SPIRE2: variants seen among roughly 807,000 people sequenced by gnomAD.
SPIRE2 encodes spire type actin nucleation factor 2.
Under a neutral mutation model 80.7 loss-of-function variants are expected in SPIRE2, and 76 were observed. That is an observed-to-expected ratio of 0.94 (90% CI 0.78 to 1.14). The LOEUF is 1.14. SPIRE2 is among the 50% of genes most tolerant of loss of function. The probability of loss-of-function intolerance (pLI) is 0.00; values close to 1 mark genes in which losing one functional copy is unlikely to be tolerated. For missense variants in SPIRE2, 1,196 were observed against 1,015.3 expected (o/e 1.18, Z -2.42); for synonymous variants, 535 against 432.6 (o/e 1.24, Z -2.94).
At position 89,854,285 on chromosome 16, in the gene SPIRE2, G is replaced by C. The variant is rs749877304; in HGVS notation, c.646-1G>C. The C allele has an allele frequency of 5.0e-6, 8 of 1,611,666 alleles. No individual in the cohort carries two copies. The highest frequency in any genetic ancestry group is 5.9e-6 in the Non-Finnish European group (7 of 1,179,504). On this transcript the variant is annotated splice_acceptor_variant, in intron 3 of 14. Coordinates refer to ENST00000378247, the MANE Select transcript of SPIRE2 (RefSeq NM_032451.2). LOFTEE classifies it high-confidence loss of function. ...GGACTGACGAGCACGTGTGGTCACA[G>C]ATGCTGCAGAAGCTTCGGGAGGACG...
chr16:89,869,387 T>C (rs1370292849), intron 13 of SPIRE2, among the ~76,000 whole-genome samples, 180 bp from the exon 14 acceptor site: 1 of 152,062 alleles, frequency 6.6e-6, no homozygotes, highest in Non-Finnish European at 1.5e-5. Flanking sequence ...AGGAACCCCG[T>C]GCCAGTCTTC....
intron 1 of SPIRE2, chr16:89,836,106 C>T (rs776536026): frequency 4.7e-6 from 2 of 428,400 alleles, no homozygotes; most frequent in African/African-American, 2.0e-5. Context: ...ATCTGGGAGG[C>T]GGAGGTTGTA....
At chr16:89,849,920 C>T (rs2041605117) in intron 2 of SPIRE2, 1 of 362,984 alleles carries the variant, frequency 2.8e-6, no homozygotes, top group Middle Eastern at 9.7e-4. Context: ...TCACTGCAAC[C>T]TCCACCTCCC....
intron 3 of SPIRE2, among the ~76,000 whole-genome samples, chr16:89,851,991 G>C (rs1567674323): frequency 1.3e-5 from 2 of 151,832 alleles, no homozygotes; most frequent in Non-Finnish European, 2.9e-5. Context: ...TGCAGCCCAA[G>C]CGTGTGCCAA....
intron 14 of SPIRE2, 76 bp downstream of exon 14, chr16:89,869,758 GGGCT>G: frequency 8.5e-7 from 1 of 1,175,188 alleles, no homozygotes; most frequent in Non-Finnish European, 1.3e-6. Context: ...GGGGTGGAGG[GGGCT>G]GGCTTTGTCT....
chr16:89,855,930 G>A (rs1413882487), intron 6 of SPIRE2, 183 bp from the exon 7 acceptor site: 20 of 1,167,204 alleles, frequency 1.7e-5, no homozygotes, highest in Admixed American at 5.6e-5. Context: ...CCAGGTGCAT[G>A]CGGAGCCCAG....
Position 89,838,928 on chromosome 16 carries a change from C to T in SPIRE2, c.245-6394C>T, listed in dbSNP as rs147558234. On this transcript the variant is annotated intron_variant, in intron 1 of 14. Transcript: ENST00000378247. The stretch of plus-strand genomic sequence containing the variant: ...GCAATCTAGTAGAGACGGGGTTTCA[C>T]CATGTTGGCCAGGCTGGTCTTGAAC... Among the ~76,000 whole-genome samples the T allele has an allele frequency of 4.4e-3, 653 of 148,600 alleles. 9 individuals carry two copies. The South Asian group carries it at 0.051, about 12-fold the overall frequency.
rs765600839 is a variant in SPIRE2, at chr16:89,859,187, A to T, written c.1295A>T (p.Glu432Val). The change falls in exon 9 of 15, where the codon GAG (glutamate) becomes GTG (valine). Residue 432 changes from glutamate (E) to valine (V), a missense_variant. Physicochemically the swap from Glu to Val is moderately radical, Grantham distance 121. Coordinates refer to ENST00000378247, the MANE Select transcript of SPIRE2 (RefSeq NM_032451.2). ...TSEEEESPCG[E>V]VTLKRDRSFS... Reference sequence around the variant, plus strand: ...CAGGAAGAAGAGTCTCCGTGTGGGGAGGTGACGCTGAAACGGGACCGCTCC... The same window carrying T: ...CAGGAAGAAGAGTCTCCGTGTGGGGTGGTGACGCTGAAACGGGACCGCTCC... 2.5e-6 allele frequency: 4 copies of T among 1,589,914 alleles called. No individual in the cohort carries two copies. The Admixed American group carries it at 6.9e-5, about 27-fold the overall frequency.
chr16:89,856,361 C>A, intron 7 of SPIRE2, 125 bp downstream of exon 7: 1 of 973,636 alleles, frequency 1.0e-6, no homozygotes. Context: ...ATGGAAGACA[C>A]AGAACATCTT....
intron 12 of SPIRE2, among the ~76,000 whole-genome samples, chr16:89,866,695 A>G (rs1266835039): frequency 1.5e-5 from 2 of 136,796 alleles, no homozygotes; most frequent in African/African-American, 2.8e-5. Context: ...TGCAAGCTCC[A>G]CCTCCCGGGT....
rs964072388 is a variant in SPIRE2, at chr16:89,843,854, C to T, written c.245-1468C>T. Among the ~76,000 whole-genome samples the T allele has an allele frequency of 2.8e-5, 4 of 142,488 alleles. No individual in the cohort carries two copies. The Admixed American group carries it at 2.9e-4, about 10-fold the overall frequency. The allele number at this position is 142,488 out of a possible 152,430, so 93.5% of individuals were successfully genotyped here. A position where few individuals can be genotyped will look rare whatever the true frequency, so the allele number is the denominator to read the frequency against. ...AGCTAGGACTACATATATGCACTAC[C>T]ATGCCCAGCTATTTTTATGTATTTT... On this transcript the variant is annotated intron_variant, in intron 1 of 14. Coordinates refer to ENST00000378247, the MANE Select transcript of SPIRE2 (RefSeq NM_032451.2).
At chr16:89,855,146 G>C (rs2041677656) in intron 5 of SPIRE2, among the ~76,000 whole-genome samples, 1 of 152,164 alleles carries the variant, frequency 6.6e-6, no homozygotes. Context: ...CACTGTGTTA[G>C]CCACGATGGT....
At chr16:89,860,623 C>A (rs2041734375) in intron 9 of SPIRE2, 60 bp from the exon 10 acceptor site, 1 of 1,181,866 alleles carries the variant, frequency 8.5e-7, no homozygotes, top group Non-Finnish European at 1.2e-6. Context: ...CCCCTGGGCA[C>A]AGTCCTCTTT....
Position 89,850,420 on chromosome 16 carries a change from CGACAGCGAG to C in SPIRE2, c.413_421del (p.Glu138_Ser140del). 1 of 1,590,692 alleles carries C rather than the reference CGACAGCGAG, an allele frequency of 6.3e-7. No homozygotes were observed. ...GGCTCATCGACCTCATGGCCAACAA[CGACAGCGAG>C]GACAGCGGCTGCGGTGCCGCCGATG... On this transcript the variant is annotated inframe_deletion, in exon 3 of 15. Transcript: ENST00000378247.
rs932088810 is a variant in SPIRE2, at chr16:89,863,966, A to C, written c.1778+105A>C. The C allele has an allele frequency of 2.0e-5, 16 of 800,060 alleles. No homozygotes were observed. Among genetic ancestry groups the C allele is most frequent in the Non-Finnish European group, 3.3e-5 (16 of 483,084 alleles). 49.6% of individuals were successfully genotyped at this position (800,060 alleles called of 1,614,324 possible). A position where few individuals can be genotyped will look rare whatever the true frequency, so the allele number is the denominator to read the frequency against. On this transcript the variant is annotated intron_variant, in intron 12 of 14. Coordinates refer to ENST00000378247, the MANE Select transcript of SPIRE2 (RefSeq NM_032451.2). This position sits in a 1 kb window ranked among gnomAD's most constrained non-coding sequence, Gnocchi z 4.3. The stretch of plus-strand genomic sequence containing the variant: ...CCTGTGATTCCAGGAATGTTCTAGC[A>C]TGTTCGATGGCTGATGAGTCCACAA...
At chr16:89,857,361 C>G (rs1017554881) in intron 7 of SPIRE2, among the ~76,000 whole-genome samples, 1 of 151,624 alleles carries the variant, frequency 6.6e-6, no homozygotes, top group African/African-American at 2.4e-5. Context: ...GTGTTGAACT[C>G]GTGGGCTCAA....
intron 5 of SPIRE2, among the ~76,000 whole-genome samples, chr16:89,855,303 A>G (rs966790352): frequency 3.3e-5 from 5 of 152,070 alleles, no homozygotes; most frequent in African/African-American, 1.2e-4. Flanking sequence ...CATGGTTCTT[A>G]TGATGCCCCT....
At position 89,863,184 on chromosome 16, in the gene SPIRE2, C is replaced by T. The variant is rs571530785; in HGVS notation, c.1576-292C>T. 1.1e-5 allele frequency: 5 copies of T among 452,186 alleles called. No individual in the cohort carries two copies. The highest frequency in any genetic ancestry group is 1.6e-5 in the Non-Finnish European group (4 of 246,128). The allele number at this position is 452,186 out of a possible 1,614,324, so 28.0% of individuals were successfully genotyped here. On this transcript the variant is annotated intron_variant, in intron 10 of 14. Transcript: ENST00000378247. The surrounding 1 kb of genome is among the most constrained non-coding windows in gnomAD (Gnocchi z 4.3). ...GATCAGCCCATGGTGTGTTTGCAGG[C>T]AGGGACACCTTGAACAGACATGGGC...
At chr16:89,868,282 G>A (rs894684905) in intron 13 of SPIRE2, 66 bp downstream of exon 13, 3 of 1,490,776 alleles carry the variant, frequency 2.0e-6, no homozygotes, top group Admixed American at 3.4e-5. Context: ...GGCTTTGATT[G>A]GATGTGTTGG....
Sources: allele counts gnomAD v4.1 joint callset (sites outside exome capture counted in the v4.1 genomes callset), GRCh38; gene constraint gnomAD v4.1.1; non-coding constraint Gnocchi (gnomAD v3.1); transcripts MANE v1.5; gene names NCBI Gene and HGNC (gene_info 2026-07-23, HGNC 2026-07-21).